The following CCNI variants were observed in gnomAD, a reference collection of about 807,000 sequenced individuals.
CCNI encodes the protein cyclin-I.
Under a neutral mutation model 34.1 loss-of-function variants are expected in CCNI, and 14 were observed. The observed-to-expected ratio is 0.41, with a 90% CI of 0.27 to 0.64. The LOEUF (loss-of-function observed/expected upper bound fraction) is 0.64, where lower values mean the gene tolerates loss of function less well. Ranked by LOEUF, CCNI falls within the 30% of genes least tolerant of loss-of-function variation. The probability of loss-of-function intolerance (pLI) is 0.31; values close to 1 mark genes in which losing one functional copy is unlikely to be tolerated. For synonymous variants in CCNI, 154 were observed against 158.4 expected (o/e 0.97, Z 0.21); for missense variants, 385 against 440.5 (o/e 0.87, Z 1.13).
chr4:77,062,257 T>G (rs1374538986), intron 2 of CCNI, among the ~76,000 whole-genome samples: 1 of 152,202 alleles, frequency 6.6e-6, no homozygotes, highest in African/African-American at 2.4e-5. Context: ...TTACACCTGT[T>G]AAACGTTCAA....
intron 6 of CCNI, among the ~76,000 whole-genome samples, chr4:77,054,104 T>TA (rs34542916): frequency 1.4e-4 from 21 of 150,918 alleles, no homozygotes; most frequent in East Asian, 5.8e-4. Flanking sequence ...CATACTTGTT[T>TA]AAAAAAAAAA....
intron 6 of CCNI, among the ~76,000 whole-genome samples, chr4:77,052,127 C>A (rs4252922): frequency 3.3e-5 from 5 of 151,924 alleles, no homozygotes; most frequent in African/African-American, 4.8e-5. Flanking sequence ...CCTCCCTCCC[C>A]CTTCTAGTAG....
chr4:77,057,266 T>A (rs997030054), intron 3 of CCNI, among the ~76,000 whole-genome samples: 1 of 152,200 alleles, frequency 6.6e-6, no homozygotes, highest in Admixed American at 6.5e-5. Context: ...TTTCAAAAAT[T>A]ATTAGTGAAC....
Position 77,048,305 on chromosome 4 carries a change from C to A in CCNI, c.1048G>T (p.Val350Leu), listed in dbSNP as rs751963511. The change falls in exon 7 of 7, where the codon GTG (valine) becomes TTG (leucine). Residue 350 changes from valine (V) to leucine (L), a missense_variant. Physicochemically the swap from Val to Leu is conservative, Grantham distance 32 (BLOSUM62 1). Transcript: ENST00000237654. ...LYNEDNVSEN[V>L]GSVCGTDLSR... ...AAATCAGTGCCACACACAGAACCCA[C>A]ATTTTCTGAGACATTATCTTCATTA... 178 of 1,613,942 alleles carry A rather than the reference C, an allele frequency of 1.1e-4. No homozygotes were observed. The highest frequency in any genetic ancestry group is 1.4e-4 in the Non-Finnish European group (169 of 1,179,988).
rs1322356486 is a variant in CCNI at position 77,056,087 on chromosome 4, T to C, written c.334A>G (p.Lys112Glu). The change falls in exon 5 of 7, where the codon AAG becomes GAG. Residue 112 changes from lysine to glutamate, a missense_variant. Lys to Glu is a moderately conservative substitution (Grantham distance 56). Around this residue, in one of 2 missense-constraint regions of CCNI, gnomAD observed 135 missense variants for 191.8 expected, o/e 0.70. Transcript: ENST00000237654. ...VEEDERIPVL[K>E]VLARDSFCGC... ...CAGAAACTGTCTCTTGCCAATACCT[T>C]TAGTACTGGAATTCTCTATCCAAAG... 1 of 1,613,360 alleles carries C rather than the reference T, an allele frequency of 6.2e-7. No individual in the cohort carries two copies. The highest frequency in any genetic ancestry group is 8.5e-7 in the Non-Finnish European group (1 of 1,179,636).
chr4:77,053,008 G>C (rs1050480502), intron 6 of CCNI, among the ~76,000 whole-genome samples: 2 of 152,254 alleles, frequency 1.3e-5, no homozygotes, highest in East Asian at 1.9e-4. Context: ...AAAATTCACT[G>C]TATTTCCAGT....
Position 77,058,549 on chromosome 4 carries a change from A to AG in CCNI, c.200dup (p.Leu68SerfsTer3). 1.9e-6 allele frequency: 3 copies of AG among 1,613,804 alleles called. No individual in the cohort carries two copies. The highest frequency in any genetic ancestry group is 2.5e-6 in the Non-Finnish European group (3 of 1,179,766). ...ACCTATCCAAAAGACTGCTAGCCAGAGCAAATGTTTCTGGGTAAAGGTTGA... is the reference window on the plus strand; with the variant it reads ...ACCTATCCAAAAGACTGCTAGCCAGAGGCAAATGTTTCTGGGTAAAGGTTGA... On this transcript the variant is annotated frameshift_variant, in exon 3 of 7. Transcript: ENST00000237654. LOFTEE classifies it high-confidence loss of function.
At chr4:77,049,257 G>A (rs958108366) in intron 6 of CCNI, among the ~76,000 whole-genome samples, 1 of 152,096 alleles carries the variant, frequency 6.6e-6, no homozygotes, top group Admixed American at 6.6e-5. Context: ...TAATTTGGGA[G>A]TTTTGCTGAT....
intron 2 of CCNI, 128 bp downstream of exon 2, chr4:77,066,121 G>C: frequency 1.4e-6 from 1 of 723,842 alleles, no homozygotes; most frequent in Non-Finnish European, 2.2e-6. Flanking sequence ...AACAGGGAGA[G>C]TCTCTCAAAT....
chr4:77,066,379 G>C lies in CCNI; in HGVS notation c.-17C>G. On this transcript the variant is annotated 5_prime_UTR_variant, in exon 2 of 7. Transcript: ENST00000237654. ...AAACTTCATGATATCCTTTGGATCTGCCTGCTACCCAGCTTGCTGTAGCTA... is the reference window on the plus strand; with the variant it reads ...AAACTTCATGATATCCTTTGGATCTCCCTGCTACCCAGCTTGCTGTAGCTA... The C allele has an allele frequency of 1.2e-6, 2 of 1,613,410 alleles. No individual in the cohort carries two copies.
Position 77,048,600 on chromosome 4 carries a change from C to A in CCNI, c.753G>T (p.Gln251His). The change falls in exon 7 of 7, where the codon CAG becomes CAT. Residue 251 changes from glutamine to histidine, a missense_variant. Physicochemically the swap from Gln to His is conservative, Grantham distance 24. Coordinates refer to ENST00000237654, the MANE Select transcript of CCNI (RefSeq NM_006835.3). ...AAACGGAATTCAGAGGCAGGGAAGA[C>A]TGCAGAGTAGAAAGGTGATGTGCCA... Reference protein sequence around the residue: ...ELVAHHLSTLQSSLPLNSVYV... With the variant: ...ELVAHHLSTLHSSLPLNSVYV... 1 of 1,601,818 alleles carries A rather than the reference C, an allele frequency of 6.2e-7. No individual in the cohort carries two copies. Among genetic ancestry groups the A allele is most frequent in the Non-Finnish European group, 8.5e-7 (1 of 1,173,150 alleles).
intron 1 of CCNI, among the ~76,000 whole-genome samples, chr4:77,067,642 C>T (rs1030516188): frequency 6.6e-6 from 1 of 150,476 alleles, no homozygotes; most frequent in Admixed American, 6.7e-5. Context: ...AGATGCACAT[C>T]ACCAAGCCCA....
intron 6 of CCNI, among the ~76,000 whole-genome samples, chr4:77,053,220 T>A (rs1219196997): frequency 6.6e-6 from 1 of 152,136 alleles, no homozygotes. Context: ...GGGAAAGGGT[T>A]CCACTTCTAA....
At chr4:77,069,172 T>C (rs2109842825) in intron 1 of CCNI, among the ~76,000 whole-genome samples, 1 of 152,324 alleles carries the variant, frequency 6.6e-6, no homozygotes, top group South Asian at 2.1e-4. Context: ...ATCCTTGCAC[T>C]TTCGAAGGCT....
At chr4:77,060,213 C>CA (rs1728508928) in intron 2 of CCNI, among the ~76,000 whole-genome samples, 1 of 151,348 alleles carries the variant, frequency 6.6e-6, no homozygotes, top group African/African-American at 2.4e-5. Context: ...AGGTAACATA[C>CA]AAAAAAAGAG....
chr4:77,053,474 T>TCCTCTAGCA (rs1279368610), intron 6 of CCNI, among the ~76,000 whole-genome samples: 1 of 152,180 alleles, frequency 6.6e-6, no homozygotes, highest in Non-Finnish European at 1.5e-5. Flanking sequence ...AATACTCTCT[T>TCCTCTAGCA]CCTCTAGCAC....
intron 2 of CCNI, among the ~76,000 whole-genome samples, chr4:77,062,561 G>GA (rs1004220583): frequency 0.067 from 9,144 of 136,188 alleles, 886 homozygotes; most frequent in African/African-American, 0.22. Flanking sequence ...CCCTGTCTCA[G>GA]AAAAAAAAAA....
chr4:77,050,115 A>C (rs978362794), intron 6 of CCNI, among the ~76,000 whole-genome samples: 10 of 152,296 alleles, frequency 6.6e-5, no homozygotes, highest in Admixed American at 1.3e-4. Flanking sequence ...GTCCTGCTCT[A>C]TATGATGCAC....
intron 6 of CCNI, among the ~76,000 whole-genome samples, chr4:77,053,180 G>GTA (rs563670700): frequency 2.6e-5 from 4 of 152,218 alleles, no homozygotes; most frequent in Admixed American, 2.6e-4. Context: ...GATTGTGTGT[G>GTA]TACAAGATTT....
Sources: gnomAD v4.1 joint callset for allele counts (sites outside exome capture counted in the v4.1 genomes callset) on GRCh38, gnomAD v4.1.1 for gene constraint, gnomAD v4.1.1 regional missense constraint, MANE v1.5 for transcripts, NCBI Gene and HGNC (gene_info 2026-07-23, HGNC 2026-07-21) for gene names.